The following ZAR1L variants were observed in gnomAD, a reference collection of about 807,000 sequenced individuals.
The protein encoded by ZAR1L is zygote arrest 1 like.
Under a neutral mutation model 30.0 loss-of-function variants are expected in ZAR1L, and 16 were observed. The ratio of observed to expected loss-of-function variants is 0.53; its 90% CI spans 0.36 to 0.81. The LOEUF is 0.81. Ranked by LOEUF, ZAR1L falls within the 30% of genes least tolerant of loss-of-function variation. ZAR1L has a pLI of 0.00. For missense variants in ZAR1L, 392 were observed against 417.2 expected (o/e 0.94, Z 0.53); for synonymous variants, 197 against 166.8 (o/e 1.18, Z -1.40).
intron 2 of ZAR1L, among the ~76,000 whole-genome samples, chr13:32,313,620 G>A (rs972402199): frequency 2.6e-5 from 4 of 152,198 alleles, no homozygotes; most frequent in African/African-American, 9.6e-5. Flanking sequence ...GCCCACCTTG[G>A]CCTCCCAAAG....
chr13:32,308,784 T>C (rs1248930975), intron 4 of ZAR1L, 24 bp from the exon 5 acceptor site: 1 of 1,500,412 alleles, frequency 6.7e-7, no homozygotes. Flanking sequence ...TGTTTTTTTT[T>C]AATACAAGCT....
At chr13:32,312,283 C>T (rs971218383) in intron 2 of ZAR1L, among the ~76,000 whole-genome samples, 190 bp from the exon 3 acceptor site, 3 of 152,114 alleles carry the variant, frequency 2.0e-5, no homozygotes, top group Non-Finnish European at 4.4e-5. Flanking sequence ...TTCTAAAGAT[C>T]CTTTGTAAGG....
At chr13:32,309,045 C>A (rs547760362) in intron 4 of ZAR1L, among the ~76,000 whole-genome samples, 23 of 149,308 alleles carry the variant, frequency 1.5e-4, no homozygotes, top group Non-Finnish European at 2.7e-4. Flanking sequence ...GTCTGGAGTG[C>A]AATGGTGGGA....
intron 5 of ZAR1L, among the ~76,000 whole-genome samples, chr13:32,306,832 G>A (rs926979929): frequency 1.4e-5 from 2 of 148,138 alleles, no homozygotes; most frequent in African/African-American, 5.0e-5. Context: ...TAGGGAGGCT[G>A]AGGCAGGAGA....
In ZAR1L at chr13:32,311,892, A is replaced by AC. The variant is rs1203217349; in HGVS notation, c.33dup (p.Tyr12ValfsTer46). 6.4e-7 allele frequency: 1 copy of AC among 1,551,452 alleles called. No individual in the cohort carries two copies. Among genetic ancestry groups the AC allele is most frequent in the East Asian group, 2.4e-5 (1 of 40,932 alleles). ...GGCACTGTGCTCCCATAACCCTGGT[A>AC]CAAGCCATAGGGAACACGGACAAAG... On this transcript the variant is annotated frameshift_variant, in exon 3 of 6. Transcript: ENST00000533490. LOFTEE classifies it high-confidence loss of function.
At chr13:32,310,599 C>G (rs1566211093) in intron 4 of ZAR1L, 40 bp downstream of exon 4, 2 of 1,349,492 alleles carry the variant, frequency 1.5e-6, no homozygotes, top group Non-Finnish European at 2.1e-6. Context: ...CCATCCGTGC[C>G]CACCCCATCC....
At chr13:32,311,185 G>T in intron 3 of ZAR1L, 87 bp downstream of exon 3, 1 of 1,373,352 alleles carries the variant, frequency 7.3e-7, no homozygotes, top group Non-Finnish European at 9.6e-7. Context: ...AGAGAGAGAA[G>T]ATTTTGCTCT....
rs938787952 is a variant in ZAR1L at position 32,311,479 on chromosome 13, C to T, written c.447G>A (p.Gly149=). ...GGAGCGCCTTGCTCTCCGCTTCGTC[C>T]CCATCTCTCCGCAGGCGGATCAAGC... ...RRGLIRLRRD[G]DEAESKALPG... Residue 149 remains glycine, a synonymous_variant, in exon 3 of 6, where the codon GGG becomes GGA. Transcript: ENST00000533490. 1 of 1,546,120 alleles carries T rather than the reference C, an allele frequency of 6.5e-7. No homozygotes were observed.
chr13:32,310,166 T>C (rs946441831), intron 4 of ZAR1L, among the ~76,000 whole-genome samples: 2 of 152,276 alleles, frequency 1.3e-5, no homozygotes, highest in African/African-American at 4.8e-5. Context: ...GAATTTAATG[T>C]GAAGCCTTTT....
chr13:32,307,498 C>CA lies in ZAR1L; in HGVS notation c.822+1187dup, dbSNP rs772822284. On this transcript the variant is annotated intron_variant, in intron 5 of 5. Coordinates refer to ENST00000533490, the MANE Select transcript of ZAR1L (RefSeq NM_001136571.2). ...TGGGTGACACAGCAAGAGTCTGTCT[C>CA]AAAAAAAAAAAAAAAAAAAAAAAAA... is the stretch of plus-strand genomic sequence containing the variant. Among the ~76,000 whole-genome samples the CA allele has an allele frequency of 7.0e-3, 108 of 15,384 alleles. 40 individuals are homozygous for CA. Among genetic ancestry groups the CA allele is most frequent in the African/African-American group, 0.028 (90 of 3,254 alleles). The allele number at this position is 15,384 out of a possible 152,430, so 10.1% of individuals were successfully genotyped here. A position where few individuals can be genotyped will look rare whatever the true frequency, so the allele number is the denominator to read the frequency against.
At position 32,311,409 on chromosome 13, in the gene ZAR1L, A is replaced by G. The variant is rs1316692270; in HGVS notation, c.517T>C (p.Ser173Pro). 2 of 1,549,824 alleles carry G rather than the reference A, an allele frequency of 1.3e-6. No individual in the cohort carries two copies. The highest frequency in any genetic ancestry group is 3.9e-5 in the Admixed American group (2 of 50,968). Residue 173 changes from serine to proline, a missense_variant, in exon 3 of 6, where the codon TCA (serine) becomes CCA (proline). Coordinates refer to ENST00000533490, the MANE Select transcript of ZAR1L (RefSeq NM_001136571.2). The stretch of plus-strand genomic sequence containing the variant: ...GGCTCCTCCTGCCTGTCAGCTCCTG[A>G]CCTCCGTGATGGTGGCTGCGGCTGG... ...ASQPQPPSRR[S>P]GADRQEEPGQ...
intron 2 of ZAR1L, among the ~76,000 whole-genome samples, chr13:32,312,684 C>A (rs2072223032): frequency 6.6e-6 from 1 of 152,122 alleles, no homozygotes; most frequent in Non-Finnish European, 1.5e-5. Context: ...TCGAGACCAA[C>A]CTGGCCAACA....
intron 4 of ZAR1L, 56 bp from the exon 5 acceptor site, chr13:32,308,816 C>A (rs1277767270): frequency 2.5e-6 from 3 of 1,179,584 alleles, no homozygotes; most frequent in Non-Finnish European, 3.7e-6. Flanking sequence ...CCACACCCTG[C>A]AAAGGCTCCC....
In ZAR1L at chr13:32,311,665, G is replaced by T; in HGVS notation, c.261C>A (p.Asn87Lys). ...PSLSPRLCKP[N>K]TKEVGVQVSP... Reference sequence around the variant, plus strand: ...TCACCTGCACGCCCACCTCCTTGGTGTTGGGCTTGCACAGCCGCGGGCTCA... The same window carrying T: ...TCACCTGCACGCCCACCTCCTTGGTTTTGGGCTTGCACAGCCGCGGGCTCA... Residue 87 changes from asparagine to lysine, a missense_variant, in exon 3 of 6, where the codon AAC becomes AAA. Coordinates refer to ENST00000533490, the MANE Select transcript of ZAR1L (RefSeq NM_001136571.2). 1 of 1,551,514 alleles carries T rather than the reference G, an allele frequency of 6.4e-7. No individual in the cohort carries two copies. Among genetic ancestry groups the T allele is most frequent in the Non-Finnish European group, 8.7e-7 (1 of 1,147,010 alleles).
At chr13:32,308,794 T>C in intron 4 of ZAR1L, 34 bp from the exon 5 acceptor site, 1 of 1,412,132 alleles carries the variant, frequency 7.1e-7, no homozygotes, top group Non-Finnish European at 9.8e-7. Context: ...TAATACAAGC[T>C]TTTATACACA....
At chr13:32,308,790 A>G in intron 4 of ZAR1L, 30 bp from the exon 5 acceptor site, 1 of 1,448,680 alleles carries the variant, frequency 6.9e-7, no homozygotes, top group Non-Finnish European at 9.5e-7. Context: ...TTTTTAATAC[A>G]AGCTTTTATA....
intron 4 of ZAR1L, among the ~76,000 whole-genome samples, chr13:32,310,430 T>C (rs548938678): frequency 6.6e-6 from 1 of 152,348 alleles, no homozygotes; most frequent in East Asian, 1.9e-4. Flanking sequence ...TTGTCATATA[T>C]AACGCCAGAG....
At chr13:32,313,225 C>G (rs1019074747) in intron 2 of ZAR1L, among the ~76,000 whole-genome samples, 1 of 152,130 alleles carries the variant, frequency 6.6e-6, no homozygotes, top group Non-Finnish European at 1.5e-5. Flanking sequence ...GTGCTCTCAC[C>G]GCACACAAAA....
Position 32,311,489 on chromosome 13 carries a change from C to T in ZAR1L, c.437G>A (p.Arg146Gln), listed in dbSNP as rs1186142538. 1 of 1,545,344 alleles carries T rather than the reference C, an allele frequency of 6.5e-7. No individual in the cohort carries two copies. The highest frequency in any genetic ancestry group is 8.7e-7 in the Non-Finnish European group (1 of 1,146,102). Residue 146 changes from arginine (R) to glutamine (Q), a missense_variant, in exon 3 of 6, where the codon CGG becomes CAG. Arg to Gln is a conservative substitution (Grantham distance 43, BLOSUM62 1). Coordinates refer to ENST00000533490, the MANE Select transcript of ZAR1L (RefSeq NM_001136571.2). ...ATGRRGLIRL[R>Q]RDGDEAESKA... ...GCTCTCCGCTTCGTCCCCATCTCTC[C>T]GCAGGCGGATCAAGCCCCTGCGGCC...
Sources: allele counts gnomAD v4.1 joint callset (sites outside exome capture counted in the v4.1 genomes callset), GRCh38; gene constraint gnomAD v4.1.1; transcripts MANE v1.5; gene names NCBI Gene and HGNC (gene_info 2026-07-23, HGNC 2026-07-21).